Variants in AFF3 observed in about 807,000 individuals in gnomAD.
The protein encoded by AFF3 is ALF transcription elongation factor 3, also known as AF4/FMR2 family member 3.
In AFF3, 32 loss-of-function variants were observed where a neutral mutation model predicts 129.7. The observed-to-expected ratio is 0.25, with a 90% confidence interval of 0.19 to 0.33. The LOEUF is 0.33. Among genes scored for constraint, AFF3 ranks in the 10% least tolerant of loss-of-function variants. The pLI is 1.00. For missense variants in AFF3, 1,373 were observed against 1,592.0 expected (o/e 0.86, Z 2.34); for synonymous variants, 644 against 635.4 (o/e 1.01, Z -0.20).
At chr2:99,695,840 T>C (rs1676163447) in intron 11 of AFF3, among the ~76,000 whole-genome samples, 1 of 141,238 alleles carries the variant, frequency 7.1e-6, no homozygotes, top group Admixed American at 7.7e-5. Context: ...GAGACTGCAA[T>C]AAAATATCTC....
At chr2:99,901,171 G>C (rs988613041) in intron 7 of AFF3, among the ~76,000 whole-genome samples, 3 of 152,202 alleles carry the variant, frequency 2.0e-5, no homozygotes, top group Non-Finnish European at 4.4e-5. Context: ...TATCTTTGAT[G>C]GGATGTCTCT....
At chr2:100,138,755 G>A (rs1692732313) in intron 1 of AFF3, among the ~76,000 whole-genome samples, 1 of 151,944 alleles carries the variant, frequency 6.6e-6, no homozygotes, top group Non-Finnish European at 1.5e-5. Flanking sequence ...GACAAGCCTG[G>A]CCAATATGGT....
chr2:99,633,588 G>T (rs1456619230), intron 13 of AFF3, among the ~76,000 whole-genome samples: 1 of 152,170 alleles, frequency 6.6e-6, no homozygotes, highest in African/African-American at 2.4e-5. Context: ...TTTGGGCCTG[G>T]TGGGAGGTGT....
chr2:99,982,743 A>C (rs1679522022), intron 7 of AFF3, among the ~76,000 whole-genome samples: 1 of 152,230 alleles, frequency 6.6e-6, no homozygotes, highest in Non-Finnish European at 1.5e-5. Flanking sequence ...TTAAATGTGG[A>C]GTTTTTAACT....
chr2:99,610,734 G>C (rs1680838746), intron 13 of AFF3, among the ~76,000 whole-genome samples: 1 of 152,172 alleles, frequency 6.6e-6, no homozygotes, highest in Non-Finnish European at 1.5e-5. Context: ...TTTGTCTTCA[G>C]AATTGGACTC....
intron 2 of AFF3, among the ~76,000 whole-genome samples, chr2:100,121,203 C>G (rs1424703262): frequency 6.6e-6 from 1 of 152,124 alleles, no homozygotes; most frequent in Non-Finnish European, 1.5e-5. Context: ...CCAAAACCAC[C>G]CATGGTCCAC....
intron 7 of AFF3, among the ~76,000 whole-genome samples, chr2:99,919,241 G>A (rs1190327763): frequency 6.6e-6 from 1 of 152,078 alleles, no homozygotes; most frequent in Non-Finnish European, 1.5e-5. Context: ...TCTCTTAAGT[G>A]TAATTACCAT....
intron 11 of AFF3, among the ~76,000 whole-genome samples, chr2:99,700,400 T>C (rs1393611349): frequency 6.6e-6 from 1 of 152,222 alleles, no homozygotes; most frequent in African/African-American, 2.4e-5. Flanking sequence ...ATTACAGGCG[T>C]GAGCCACCGT....
chr2:99,804,256 C>T (rs1217412936), intron 8 of AFF3, among the ~76,000 whole-genome samples: 3 of 151,876 alleles, frequency 2.0e-5, no homozygotes, highest in African/African-American at 7.3e-5. Flanking sequence ...CCAAATAATC[C>T]CATCAAAACA....
intron 8 of AFF3, among the ~76,000 whole-genome samples, chr2:99,788,531 C>T (rs986429850): frequency 1.3e-5 from 2 of 152,118 alleles, no homozygotes; most frequent in Non-Finnish European, 2.9e-5. Flanking sequence ...TTTGAATAGT[C>T]GTACAGTGTT....
At chr2:99,709,493 G>A (rs1425250178) in intron 11 of AFF3, among the ~76,000 whole-genome samples, 1 of 152,170 alleles carries the variant, frequency 6.6e-6, no homozygotes, top group African/African-American at 2.4e-5. Context: ...CCAAGTCAGA[G>A]AATGTCTCCA....
In AFF3 at chr2:99,753,225, G is replaced by A. The variant is rs560511929; in HGVS notation, c.922-924C>T. 1.1e-4 allele frequency among the ~76,000 whole-genome samples: 17 copies of A among 152,174 alleles called. No homozygotes were observed. The East Asian group carries it at 2.5e-3, about 23-fold the overall frequency. ...AGTGATTCTCCTGCCTCAGCCTCCT[G>A]TATAGCTGGGATTACAGGTGCGTGC... On this transcript the variant is annotated intron_variant, in intron 8 of 24. Transcript: ENST00000672756.
chr2:99,831,435 G>A (rs1338876052), intron 8 of AFF3, among the ~76,000 whole-genome samples: 1 of 152,106 alleles, frequency 6.6e-6, no homozygotes, highest in Non-Finnish European at 1.5e-5. Flanking sequence ...CAGGTTAGCT[G>A]GCTAGTACTG....
At chr2:99,887,426 G>A (rs1304570816) in intron 7 of AFF3, among the ~76,000 whole-genome samples, 1 of 152,228 alleles carries the variant, frequency 6.6e-6, no homozygotes, top group Admixed American at 6.5e-5. Flanking sequence ...AGTCAGGGGA[G>A]TGTTAGCACT....
At chr2:99,663,042 A>C (rs1324612914) in intron 12 of AFF3, among the ~76,000 whole-genome samples, 1 of 152,238 alleles carries the variant, frequency 6.6e-6, no homozygotes, top group Non-Finnish European at 1.5e-5. Context: ...GTTGGGCTGC[A>C]AAAACCTCCT....
intron 10 of AFF3, among the ~76,000 whole-genome samples, chr2:99,731,791 C>T (rs1025538211): frequency 6.6e-6 from 1 of 152,206 alleles, no homozygotes; most frequent in East Asian, 1.9e-4. Flanking sequence ...TGCAAATGTT[C>T]CCGACATTTA....
chr2:99,570,575 T>C (rs1676384402), intron 18 of AFF3, among the ~76,000 whole-genome samples: 2 of 152,172 alleles, frequency 1.3e-5, no homozygotes, highest in South Asian at 4.1e-4. Context: ...TGAGGTCAAG[T>C]GATCCACCTG....
chr2:100,065,695 CT>C (rs1687669318), intron 4 of AFF3, among the ~76,000 whole-genome samples: 1 of 152,158 alleles, frequency 6.6e-6, no homozygotes, highest in South Asian at 2.1e-4. Flanking sequence ...TTGCTGGTAT[CT>C]TATCCACCTA....
intron 4 of AFF3, among the ~76,000 whole-genome samples, chr2:100,078,731 C>A: frequency 6.6e-6 from 1 of 152,056 alleles, no homozygotes; most frequent in East Asian, 1.9e-4. Flanking sequence ...TCTAGGACCC[C>A]TGGGGATACC....
Sources: allele counts gnomAD v4.1 joint callset (sites outside exome capture counted in the v4.1 genomes callset), GRCh38; gene constraint gnomAD v4.1.1; transcripts MANE v1.5; gene names NCBI Gene and HGNC (gene_info 2026-07-23, HGNC 2026-07-21).